The following RSPO2 variants were observed in gnomAD, a reference collection of about 807,000 sequenced individuals.
The protein encoded by RSPO2 is R-spondin 2.
In RSPO2, 14 loss-of-function variants were observed where a neutral mutation model predicts 30.9. The observed-to-expected ratio is 0.45, with a 90% CI of 0.30 to 0.71. The LOEUF (loss-of-function observed/expected upper bound fraction) is 0.71. RSPO2 is among the 30% of genes least tolerant of loss of function. The probability of loss-of-function intolerance (pLI) is 0.08; values close to 1 mark genes in which losing one functional copy is unlikely to be tolerated. For synonymous variants in RSPO2, 107 were observed against 96.4 expected, an observed-to-expected ratio of 1.11 and a Z score of -0.64; for missense variants, 264 against 301.9, an observed-to-expected ratio of 0.87 and a Z score of 0.93.
At chr8:107,971,056 A>C (rs1813982642) in intron 3 of RSPO2, among the ~76,000 whole-genome samples, 1 of 152,248 alleles carries the variant, frequency 6.6e-6, no homozygotes, top group African/African-American at 2.4e-5. Flanking sequence ...AGATGCGGTT[A>C]AGAAGATGCA....
intron 2 of RSPO2, among the ~76,000 whole-genome samples, chr8:108,012,438 G>C (rs1027079261): frequency 6.6e-6 from 1 of 152,170 alleles, no homozygotes; most frequent in African/African-American, 2.4e-5. Flanking sequence ...TTTGAATTCA[G>C]CCCTTCTCCC....
chr8:107,927,387 T>C (rs1434230886), intron 5 of RSPO2, among the ~76,000 whole-genome samples: 1 of 152,146 alleles, frequency 6.6e-6, no homozygotes, highest in African/African-American at 2.4e-5. Flanking sequence ...ATACCCTTTA[T>C]TTCTTTCTCC....
At chr8:108,069,380 A>G (rs1190181162) in intron 2 of RSPO2, among the ~76,000 whole-genome samples, 2 of 151,988 alleles carry the variant, frequency 1.3e-5, no homozygotes, top group Non-Finnish European at 2.9e-5. Flanking sequence ...CACCCAGCTA[A>G]TTTTTGTATT....
intron 2 of RSPO2, among the ~76,000 whole-genome samples, chr8:108,071,629 T>C (rs192111311): frequency 2.0e-5 from 3 of 152,344 alleles, no homozygotes; most frequent in African/African-American, 7.2e-5. Flanking sequence ...TAAGCTAGTT[T>C]CTTCATTCCA....
chr8:108,011,681 A>T (rs1005849105), intron 2 of RSPO2, among the ~76,000 whole-genome samples: 1 of 149,304 alleles, frequency 6.7e-6, no homozygotes, highest in East Asian at 1.9e-4. Context: ...TGACTTACCT[A>T]AAAGAACAAA....
At chr8:108,059,243 T>C (rs912760462) in intron 2 of RSPO2, among the ~76,000 whole-genome samples, 2 of 150,378 alleles carry the variant, frequency 1.3e-5, no homozygotes, top group Non-Finnish European at 3.0e-5. Flanking sequence ...AAAAAAAACA[T>C]GAAAAAAATG....
At chr8:107,994,766 A>G (rs1814957637) in intron 2 of RSPO2, among the ~76,000 whole-genome samples, 1 of 152,146 alleles carries the variant, frequency 6.6e-6, no homozygotes, top group South Asian at 2.1e-4. Context: ...CAATTATTGA[A>G]ACTTTTAGCT....
chr8:108,032,529 T>A (rs1181211223), intron 2 of RSPO2, among the ~76,000 whole-genome samples: 4 of 152,246 alleles, frequency 2.6e-5, no homozygotes, highest in Non-Finnish European at 5.9e-5. Flanking sequence ...TTTCCCCTTG[T>A]CTATTACTTC....
intron 5 of RSPO2, among the ~76,000 whole-genome samples, chr8:107,945,241 C>CTT (rs754722790): frequency 0.31 from 23,481 of 74,950 alleles, 5,014 homozygotes; most frequent in East Asian, 0.48. Flanking sequence ...ATTCTTTTAC[C>CTT]TTTTTTTTTT....
intron 2 of RSPO2, among the ~76,000 whole-genome samples, chr8:108,019,285 T>C (rs916806098): frequency 1.3e-5 from 2 of 151,990 alleles, no homozygotes; most frequent in African/African-American, 4.8e-5. Flanking sequence ...ACTCAGGAGA[T>C]GGAGGTTGCA....
chr8:107,902,757 C>A (rs1372189793), intron 5 of RSPO2, among the ~76,000 whole-genome samples: 1 of 152,032 alleles, frequency 6.6e-6, no homozygotes, highest in South Asian at 2.1e-4. Context: ...AATGTTTTTA[C>A]ATCTTTTTAT....
Position 107,899,847 on chromosome 8 carries a change from G to A in RSPO2, c.*1228C>T, listed in dbSNP as rs1811383534. 1 of 152,120 alleles carries A rather than the reference G, an allele frequency of 6.6e-6. No individual in the cohort carries two copies. Among genetic ancestry groups the A allele is most frequent in the African/African-American group, 2.4e-5 (1 of 41,428 alleles). The allele number at this position is 152,120 out of a possible 1,614,324, so 9.4% of individuals were successfully genotyped here. On this transcript the variant is annotated 3_prime_UTR_variant, in exon 6 of 6. Transcript: ENST00000276659. ...TTCCATAGTGTTCCTCTCCATCTTGGATCTGAAACAGATTCTGGCTCAACA... is the reference window on the plus strand; with the variant it reads ...TTCCATAGTGTTCCTCTCCATCTTGAATCTGAAACAGATTCTGGCTCAACA...
chr8:107,901,284 T>C, intron 5 of RSPO2, 94 bp from the exon 6 acceptor site: 1 of 1,371,102 alleles, frequency 7.3e-7, no homozygotes. Context: ...ACAAAGCCCA[T>C]CTGGAAAACA....
intron 2 of RSPO2, among the ~76,000 whole-genome samples, chr8:108,034,141 G>A (rs1311176103): frequency 6.6e-6 from 1 of 152,126 alleles, no homozygotes; most frequent in Non-Finnish European, 1.5e-5. Flanking sequence ...AAAATTGAAA[G>A]AAAGTATTAG....
intron 3 of RSPO2, among the ~76,000 whole-genome samples, chr8:107,988,165 C>A (rs1450837709): frequency 1.3e-5 from 2 of 151,968 alleles, no homozygotes; most frequent in South Asian, 2.1e-4. Context: ...AAAAATTGCA[C>A]CCTCATTACT....
chr8:108,048,540 G>A (rs1811976184), intron 2 of RSPO2, among the ~76,000 whole-genome samples: 1 of 151,792 alleles, frequency 6.6e-6, no homozygotes, highest in South Asian at 2.1e-4. Context: ...ATTTTTTATT[G>A]TGTCTATTTG....
chr8:108,022,146 A>G (rs1219217234), intron 2 of RSPO2, among the ~76,000 whole-genome samples: 1 of 152,114 alleles, frequency 6.6e-6, no homozygotes, highest in Admixed American at 6.6e-5. Flanking sequence ...CCATGCTACA[A>G]AAGTCCTATC....
At chr8:107,937,427 C>T (rs932714810) in intron 5 of RSPO2, among the ~76,000 whole-genome samples, 2 of 151,962 alleles carry the variant, frequency 1.3e-5, no homozygotes, top group South Asian at 2.1e-4. Context: ...TAATGTTAAA[C>T]CTCACGAGCC....
chr8:108,025,432 T>A (rs1246392438), intron 2 of RSPO2, among the ~76,000 whole-genome samples: 2 of 152,166 alleles, frequency 1.3e-5, no homozygotes, highest in Non-Finnish European at 2.9e-5. Flanking sequence ...TGCAACAGAA[T>A]AAATGGCAGT....
Sources: allele counts gnomAD v4.1 joint callset (sites outside exome capture counted in the v4.1 genomes callset), GRCh38; gene constraint gnomAD v4.1.1; transcripts MANE v1.5; gene names NCBI Gene and HGNC (gene_info 2026-07-23, HGNC 2026-07-21).